The following TRIM55 variants were observed in gnomAD, a reference collection of about 807,000 sequenced individuals.
TRIM55 encodes tripartite motif-containing protein 55.
A neutral mutation model predicts 60.9 loss-of-function variants in TRIM55; 50 were observed. That is an observed-to-expected ratio of 0.82 (90% CI 0.65 to 1.04). The LOEUF is 1.04. TRIM55 is among the 50% of genes least tolerant of loss of function. The pLI is 0.00. For missense variants in TRIM55, 681 were observed against 666.9 expected (o/e 1.02, Z -0.23); for synonymous variants, 237 against 238.1 (o/e 1.00, Z 0.04).
At chr8:66,158,408 A>G (rs1236169073) in intron 9 of TRIM55, among the ~76,000 whole-genome samples, 1 of 152,210 alleles carries the variant, frequency 6.6e-6, no homozygotes, top group African/African-American at 2.4e-5. Flanking sequence ...CCTGAAAAAT[A>G]GACAAACAAA....
At chr8:66,158,058 A>G (rs1160656666) in intron 9 of TRIM55, among the ~76,000 whole-genome samples, 1 of 151,676 alleles carries the variant, frequency 6.6e-6, no homozygotes, top group Non-Finnish European at 1.5e-5. Flanking sequence ...CAGGATCTCT[A>G]TTTGGTGGAT....
At chr8:66,153,921 C>T in intron 8 of TRIM55, 126 bp from the exon 9 acceptor site, 1 of 900,046 alleles carries the variant, frequency 1.1e-6, no homozygotes, top group East Asian at 2.7e-5. Context: ...ACTAAAACGG[C>T]CACCAAGGCA....
intron 4 of TRIM55, 148 bp from the exon 5 acceptor site, chr8:66,149,496 TG>T (rs1810284851): frequency 1.6e-6 from 1 of 615,720 alleles, no homozygotes; most frequent in Non-Finnish European, 2.9e-6. Context: ...ACCAACATAG[TG>T]GGTATCCATA....
At chr8:66,161,954 A>G (rs1412494184) in intron 9 of TRIM55, among the ~76,000 whole-genome samples, 2 of 152,076 alleles carry the variant, frequency 1.3e-5, no homozygotes, top group Non-Finnish European at 2.9e-5. Flanking sequence ...ATATGATCCT[A>G]TCATCAGCAA....
At chr8:66,120,630 C>CA in the TRIM55 span, among the ~76,000 whole-genome samples, 7 of 152,282 alleles carry the variant, frequency 4.6e-5, no homozygotes, top group South Asian at 1.5e-3. Flanking sequence ...CCCTGGTTAA[C>CA]AGCACTCTGT....
chr8:66,122,057 C>T (rs186253630), upstream of TRIM55, among the ~76,000 whole-genome samples: 85 of 152,236 alleles, frequency 5.6e-4, 4 homozygotes, highest in East Asian at 0.014. Context: ...CACACACCCA[C>T]CCCATGGATT....
Position 66,150,398 on chromosome 8 carries a change from A to C in TRIM55, c.917A>C (p.Asn306Thr). 6.2e-7 allele frequency: 1 copy of C among 1,614,240 alleles called. No homozygotes were observed. Among genetic ancestry groups the C allele is most frequent in the South Asian group, 1.1e-5 (1 of 91,090 alleles). The change falls in exon 7 of 10, where the codon AAC (asparagine) becomes ACC (threonine). Residue 306 changes from asparagine to threonine, a missense_variant. Physicochemically the swap from Asn to Thr is moderately conservative, Grantham distance 65. Transcript: ENST00000315962. ...QMEKIEHGYE[N>T]MNHFTVNLNR... ...GAGAAAATAGAACATGGCTATGAGA[A>C]CATGAACCACTTCACAGTCAACCTC... is the stretch of plus-strand genomic sequence containing the variant.
chr8:66,149,888 T>C lies in TRIM55; in HGVS notation c.837+10T>C. On this transcript the variant is annotated intron_variant, in intron 5 of 9. Coordinates refer to ENST00000315962, the MANE Select transcript of TRIM55 (RefSeq NM_184085.2). Reference sequence around the variant, plus strand: ...GGCAGTGTTTCTGCAGGTAAGTCTCTTTTTGGCACCAAAGTAACAACCCAA... The same window carrying C: ...GGCAGTGTTTCTGCAGGTAAGTCTCCTTTTGGCACCAAAGTAACAACCCAA... 6.2e-7 allele frequency: 1 copy of C among 1,604,086 alleles called. No homozygotes were observed. The highest frequency in any genetic ancestry group is 2.2e-5 in the East Asian group (1 of 44,710).
intron 9 of TRIM55, among the ~76,000 whole-genome samples, chr8:66,169,998 G>C (rs1346471058): frequency 3.3e-5 from 5 of 151,896 alleles, no homozygotes; most frequent in African/African-American, 9.7e-5. Flanking sequence ...AGAGCAATAA[G>C]TTTGTGTTTC....
At chr8:66,113,468 C>G in the TRIM55 span, 3 of 455,136 alleles carry the variant, frequency 6.6e-6, no homozygotes, top group Non-Finnish European at 1.3e-5. Context: ...GAGACAAGTG[C>G]GGTTTTTTTC....
intron 7 of TRIM55, 96 bp from the exon 8 acceptor site, chr8:66,152,281 C>A: frequency 6.8e-7 from 1 of 1,464,698 alleles, no homozygotes; most frequent in Non-Finnish European, 9.0e-7. Flanking sequence ...AACTCCCCAG[C>A]CTTGACCTTA....
intron 9 of TRIM55, among the ~76,000 whole-genome samples, chr8:66,154,807 G>A (rs1810650582): frequency 6.6e-6 from 1 of 152,226 alleles, no homozygotes; most frequent in South Asian, 2.1e-4. Context: ...AATAACCTCT[G>A]ATTCATGGAT....
chr8:66,146,580 A>G (rs556033839), intron 4 of TRIM55, among the ~76,000 whole-genome samples: 3 of 152,352 alleles, frequency 2.0e-5, no homozygotes, highest in Non-Finnish European at 4.4e-5. Flanking sequence ...CATATTATAA[A>G]TGTTTCAAGT....
intron 4 of TRIM55, among the ~76,000 whole-genome samples, chr8:66,149,317 A>G (rs1335684494): frequency 1.3e-5 from 2 of 152,228 alleles, no homozygotes; most frequent in Non-Finnish European, 1.5e-5. Context: ...AATATAACCT[A>G]TAACCTATGT....
chr8:66,119,203 C>G, the TRIM55 span, among the ~76,000 whole-genome samples: 1 of 152,190 alleles, frequency 6.6e-6, no homozygotes, highest in Non-Finnish European at 1.5e-5. Context: ...CAGCCACCCT[C>G]TTTCTCACTT....
At chr8:66,138,936 G>A (rs980649153) in intron 4 of TRIM55, among the ~76,000 whole-genome samples, 1 of 152,084 alleles carries the variant, frequency 6.6e-6, no homozygotes, top group Admixed American at 6.6e-5. Flanking sequence ...TCTAAATGAG[G>A]GCTTTAGGAC....
chr8:66,167,543 C>G (rs932013150), intron 9 of TRIM55, among the ~76,000 whole-genome samples: 2 of 152,176 alleles, frequency 1.3e-5, no homozygotes, highest in Non-Finnish European at 2.9e-5. Flanking sequence ...ACAAACCAAA[C>G]AGTACACACC....
chr8:66,153,963 C>A lies in TRIM55; in HGVS notation c.1237-84C>A, dbSNP rs564153588. 1.9e-5 allele frequency: 26 copies of A among 1,395,902 alleles called. No homozygotes were observed. In the East Asian group the frequency reaches 5.8e-4, roughly 31 times the overall value. 86.5% of individuals were successfully genotyped at this position (1,395,902 alleles called of 1,614,324 possible). A position where few individuals can be genotyped will look rare whatever the true frequency, so the allele number is the denominator to read the frequency against. On this transcript the variant is annotated intron_variant, in intron 8 of 9. Coordinates refer to ENST00000315962, the MANE Select transcript of TRIM55 (RefSeq NM_184085.2). The stretch of plus-strand genomic sequence containing the variant: ...GCAGGGAGCGCACAGTGTTCAAACC[C>A]AAAGGGAACTAAAATCAACTGCTTT...
chr8:66,157,749 T>C (rs1810825052), intron 9 of TRIM55, among the ~76,000 whole-genome samples: 1 of 152,194 alleles, frequency 6.6e-6, no homozygotes, highest in Non-Finnish European at 1.5e-5. Context: ...CTTACATCCA[T>C]GTACACAGTG....
Sources: allele counts gnomAD v4.1 joint callset (sites outside exome capture counted in the v4.1 genomes callset), GRCh38; gene constraint gnomAD v4.1.1; transcripts MANE v1.5; gene names NCBI Gene and HGNC (gene_info 2026-07-23, HGNC 2026-07-21).